EIF3H: variants seen among roughly 807,000 people sequenced by gnomAD.
The protein encoded by EIF3H is eukaryotic translation initiation factor 3 subunit H, also known as eIF-3-gamma.
In EIF3H, 26 loss-of-function variants were observed where a neutral mutation model predicts 44.2. The ratio of observed to expected loss-of-function variants is 0.59; its 90% CI spans 0.43 to 0.82. The LOEUF is 0.82. Ranked by LOEUF, EIF3H falls within the 40% of genes least tolerant of loss-of-function variation. EIF3H has a pLI of 0.00. For missense variants in EIF3H, 359 were observed against 432.8 expected (o/e 0.83, Z 1.51); for synonymous variants, 166 against 151.9 (o/e 1.09, Z -0.68).
At chr8:116,682,580 A>G (rs1814008187) in intron 2 of EIF3H, among the ~76,000 whole-genome samples, 1 of 152,226 alleles carries the variant, frequency 6.6e-6, no homozygotes, top group Non-Finnish European at 1.5e-5. Context: ...TTTCAAGAGG[A>G]TAAAAGATGA....
chr8:116,748,833 T>C (rs1270838816), intron 1 of EIF3H, among the ~76,000 whole-genome samples: 2 of 152,376 alleles, frequency 1.3e-5, no homozygotes, highest in East Asian at 3.9e-4. Flanking sequence ...TCTTCCTATA[T>C]ATCATCCCTA....
At position 116,707,127 on chromosome 8, in the gene EIF3H, C is replaced by T. The variant is rs562263491; in HGVS notation, c.289+18889G>A. Among the ~76,000 whole-genome samples, 9 of 152,206 alleles carry T rather than the reference C, an allele frequency of 5.9e-5. No individual in the cohort carries two copies. The East Asian group carries it at 1.4e-3, about 23-fold the overall frequency. ...ATCCCATCCTATAAATGGAATATTG[C>T]GTTGAAAAAGTATCTTATTTCTCTT... On this transcript the variant is annotated intron_variant, in intron 2 of 7. Transcript: ENST00000521861.
At chr8:116,654,208 G>C (rs1296022204) in intron 5 of EIF3H, among the ~76,000 whole-genome samples, 3 of 152,082 alleles carry the variant, frequency 2.0e-5, no homozygotes, top group African/African-American at 7.2e-5. Flanking sequence ...CAAAGAAATG[G>C]GACCTCTTTT....
chr8:116,685,147 T>C (rs1398530769), intron 2 of EIF3H, among the ~76,000 whole-genome samples: 1 of 152,194 alleles, frequency 6.6e-6, no homozygotes, highest in African/African-American at 2.4e-5. Context: ...CCCTCTCTTA[T>C]GTGTGTAAAA....
Position 116,695,228 on chromosome 8 carries a change from C to A in EIF3H, c.289+30788G>T, listed in dbSNP as rs138827446. Among the ~76,000 whole-genome samples, 1,181 of 152,038 alleles carry A rather than the reference C, an allele frequency of 7.8e-3. 11 individuals carry two copies. The highest frequency in any genetic ancestry group is 0.013 in the Non-Finnish European group (864 of 67,978). ...GTTTACAGGCATGCCCCATCACGCC[C>A]GGCTAATTTTTGTATTTCTTAGTAG... On this transcript the variant is annotated intron_variant, in intron 2 of 7. Transcript: ENST00000521861.
chr8:116,750,403 CTTTTTTTTTT>C (rs771136977), intron 1 of EIF3H, among the ~76,000 whole-genome samples: 5 of 129,714 alleles, frequency 3.9e-5, no homozygotes, highest in African/African-American at 5.8e-5. Flanking sequence ...TTTAGCATGA[CTTTTTTTTTT>C]TTTTTTTTTT....
At chr8:116,748,636 C>T (rs1026371136) in intron 1 of EIF3H, among the ~76,000 whole-genome samples, 6 of 152,202 alleles carry the variant, frequency 3.9e-5, no homozygotes, top group African/African-American at 1.4e-4. Flanking sequence ...CTTAGAAATA[C>T]TGTAGTGAAC....
intron 2 of EIF3H, chr8:116,688,962 C>A (rs1375279353): frequency 9.2e-6 from 3 of 327,594 alleles, no homozygotes; most frequent in Admixed American, 7.0e-5. Context: ...GGAATATACC[C>A]GAGAGAAATG....
At chr8:116,695,333 C>T (rs1180240586) in intron 2 of EIF3H, among the ~76,000 whole-genome samples, 6 of 152,144 alleles carry the variant, frequency 3.9e-5, no homozygotes, top group Non-Finnish European at 8.8e-5. Context: ...CCACCTTGGC[C>T]TCCCAAAGTG....
At chr8:116,722,842 G>C (rs1193940633) in intron 2 of EIF3H, among the ~76,000 whole-genome samples, 1 of 152,072 alleles carries the variant, frequency 6.6e-6, no homozygotes, top group Non-Finnish European at 1.5e-5. Context: ...TGTAAAATTA[G>C]GATAATAATC....
intron 4 of EIF3H, among the ~76,000 whole-genome samples, chr8:116,656,963 C>T (rs10808483): frequency 0.44 from 67,481 of 152,052 alleles, 18,838 homozygotes; most frequent in Non-Finnish European, 0.63. Context: ...TTTATTTCTT[C>T]GAATCCAGTA....
chr8:116,689,073 A>G (rs758829959), intron 2 of EIF3H: 153 of 445,088 alleles, frequency 3.4e-4, no homozygotes, highest in South Asian at 1.2e-3. Flanking sequence ...ACTTACATAC[A>G]TTTAATGGAA....
At position 116,670,387 on chromosome 8, in the gene EIF3H, T is replaced by C. The variant is rs117904730; in HGVS notation, c.290-11407A>G. ...AGTACTGAGATCACCAAAGATACAC[T>C]ATCAGGACAAGTACAAATGACAGAC... On this transcript the variant is annotated intron_variant, in intron 2 of 7. Coordinates refer to ENST00000521861, the MANE Select transcript of EIF3H (RefSeq NM_003756.3). 7.3e-3 allele frequency among the ~76,000 whole-genome samples: 1,104 copies of C among 152,240 alleles called. 6 individuals carry two copies. The highest frequency in any genetic ancestry group is 0.012 in the Non-Finnish European group (842 of 68,016).
At chr8:116,681,302 T>C (rs551240662) in intron 2 of EIF3H, among the ~76,000 whole-genome samples, 2 of 152,034 alleles carry the variant, frequency 1.3e-5, no homozygotes. Flanking sequence ...GCAGAGGTTG[T>C]AGTGAGCCGA....
At chr8:116,753,857 C>A (rs753868162) in intron 1 of EIF3H, among the ~76,000 whole-genome samples, 2 of 152,160 alleles carry the variant, frequency 1.3e-5, no homozygotes, top group African/African-American at 4.8e-5. Context: ...CGACCTGTTG[C>A]CTTTTTCAAC....
chr8:116,655,663 T>C (rs1390270872), intron 5 of EIF3H, among the ~76,000 whole-genome samples, 193 bp downstream of exon 5: 1 of 152,160 alleles, frequency 6.6e-6, no homozygotes, highest in Non-Finnish European at 1.5e-5. Flanking sequence ...AATGTGTTGT[T>C]TCATGTTATC....
chr8:116,715,220 T>C (rs867442087), intron 2 of EIF3H, among the ~76,000 whole-genome samples: 3 of 152,222 alleles, frequency 2.0e-5, no homozygotes, highest in Middle Eastern at 6.8e-3. Context: ...ACTCTGCTTT[T>C]CTTTTCAAAA....
intron 2 of EIF3H, among the ~76,000 whole-genome samples, chr8:116,670,905 A>C (rs4289842): frequency 0.17 from 25,723 of 152,194 alleles, 3,203 homozygotes; most frequent in African/African-American, 0.35. Context: ...GCTCATGAAG[A>C]TACTTTCCTA....
intron 1 of EIF3H, among the ~76,000 whole-genome samples, chr8:116,762,980 G>C (rs1586501930): frequency 6.6e-6 from 1 of 152,168 alleles, no homozygotes; most frequent in African/African-American, 2.4e-5. Flanking sequence ...CTGGGGAATG[G>C]ATTTGCTTAT....
Sources: allele counts gnomAD v4.1 joint callset (sites outside exome capture counted in the v4.1 genomes callset), GRCh38; gene constraint gnomAD v4.1.1; transcripts MANE v1.5; gene names NCBI Gene and HGNC (gene_info 2026-07-23, HGNC 2026-07-21).